Variants in ICAM5 observed in about 807,000 individuals in gnomAD.
ICAM5 encodes intercellular adhesion molecule 5.
Under a neutral mutation model 78.8 loss-of-function variants are expected in ICAM5, and 38 were observed. The observed-to-expected ratio is 0.48, with a 90% CI of 0.37 to 0.63. The LOEUF is 0.63. ICAM5 is among the 30% of genes least tolerant of loss of function. The pLI is 0.00. For synonymous variants in ICAM5, 544 were observed against 590.9 expected (o/e 0.92, Z 1.15); for missense variants, 1,059 against 1,303.0 (o/e 0.81, Z 2.88).
chr19:10,289,991 C>T lies in ICAM5; in HGVS notation c.-53C>T. ...GCGCCGCGCGGAGCCGTCCTCTAGC[C>T]CAGCTCCTCGGCTCGCGCTCTCCTC... On this transcript the variant is annotated 5_prime_UTR_variant, in exon 1 of 11. Coordinates refer to ENST00000221980, the MANE Select transcript of ICAM5 (RefSeq NM_003259.4). The T allele has an allele frequency of 6.8e-7, 1 of 1,466,734 alleles. No individual in the cohort carries two copies. The highest frequency in any genetic ancestry group is 9.2e-7 in the Non-Finnish European group (1 of 1,087,676). The allele number at this position is 1,466,734 out of a possible 1,614,324, so 90.9% of individuals were successfully genotyped here.
At chr19:10,291,832 T>C (rs1387393561) in intron 3 of ICAM5, 23 bp downstream of exon 3, 2 of 1,597,586 alleles carry the variant, frequency 1.3e-6, no homozygotes, top group African/African-American at 2.7e-5. Flanking sequence ...GGGGAGGAGA[T>C]GGGGACCCAG....
In ICAM5 at chr19:10,294,741, G is replaced by A. The variant is rs986816303; in HGVS notation, c.2230+101G>A. The A allele has an allele frequency of 3.2e-6, 5 of 1,547,384 alleles. No individual in the cohort carries two copies. The highest frequency in any genetic ancestry group is 2.3e-5 in the East Asian group (1 of 44,040). On this transcript the variant is annotated intron_variant, in intron 9 of 10. Transcript: ENST00000221980. The surrounding 1 kb of genome is among the most constrained non-coding windows in gnomAD (Gnocchi z 7.7). ...GCACCTCTCCCAATCCCATTCTCGGGGACAGGGAATTCCAGCCTAAACCAG... is the reference window on the plus strand; with the variant it reads ...GCACCTCTCCCAATCCCATTCTCGGAGACAGGGAATTCCAGCCTAAACCAG...
At position 10,291,645 on chromosome 19, in the gene ICAM5, C is replaced by T. The variant is rs1407701199; in HGVS notation, c.509C>T (p.Ala170Val). 25 of 1,611,656 alleles carry T rather than the reference C, an allele frequency of 1.6e-5. No homozygotes were observed. The highest frequency in any genetic ancestry group is 5.5e-5 in the South Asian group (5 of 91,028). ...GAQELIRRSF[A>V]GEPPRARGAV... ...CAGGAGCTGATCCGCCGCAGCTTCGCCGGTGAACCACCCCGAGCGCGGGGC... is the reference window on the plus strand; with the variant it reads ...CAGGAGCTGATCCGCCGCAGCTTCGTCGGTGAACCACCCCGAGCGCGGGGC... The change falls in exon 3 of 11, where the codon GCC becomes GTC. Residue 170 changes from alanine to valine, a missense_variant. Physicochemically the swap from Ala to Val is moderately conservative, Grantham distance 64. Around this residue, in one of 3 missense-constraint regions of ICAM5, gnomAD observed 815 missense variants for 952.8 expected, o/e 0.86. Coordinates refer to ENST00000221980, the MANE Select transcript of ICAM5 (RefSeq NM_003259.4).
chr19:10,295,962 G>C (rs2040217118), intron 10 of ICAM5, among the ~76,000 whole-genome samples: 1 of 152,106 alleles, frequency 6.6e-6, no homozygotes. Flanking sequence ...TTGGATGTTG[G>C]AGGGAGAGAG....
chr19:10,295,976 TCAAGATCGC>T (rs2040217346), intron 10 of ICAM5, among the ~76,000 whole-genome samples: 1 of 151,244 alleles, frequency 6.6e-6, no homozygotes, highest in South Asian at 2.1e-4. Flanking sequence ...GAGAGAGGGG[TCAAGATCGC>T]CTTCTCTCAC....
intron 10 of ICAM5, 59 bp from the exon 11 acceptor site, chr19:10,296,280 G>A (rs2040219484): frequency 1.6e-6 from 2 of 1,223,730 alleles, no homozygotes; most frequent in Non-Finnish European, 2.0e-6. Flanking sequence ...GAGTGCGGGG[G>A]GCGGTGGGAG....
rs1011005882 is a variant in ICAM5, at chr19:10,293,419, G to A, written c.1465+173G>A. Reference sequence around the variant, plus strand: ...AGATCTTGGAGGATGGAAGGGACCGGGTGGGCGTGCCCCTAGCCTAGGGCG... The same window carrying A: ...AGATCTTGGAGGATGGAAGGGACCGAGTGGGCGTGCCCCTAGCCTAGGGCG... On this transcript the variant is annotated intron_variant, in intron 6 of 10. Transcript: ENST00000221980. This position sits in a 1 kb window ranked among gnomAD's most constrained non-coding sequence, Gnocchi z 5.0. Among the ~76,000 whole-genome samples, 1 of 152,154 alleles carries A rather than the reference G, an allele frequency of 6.6e-6. No homozygotes were observed. Among genetic ancestry groups the A allele is most frequent in the Admixed American group, 6.6e-5 (1 of 15,260 alleles).
In ICAM5 at chr19:10,292,285, C is replaced by A; in HGVS notation, c.924C>A (p.Gly308=). The part of the protein sequence containing the change: ...RQLVCNVTLG[G]ENRETRENVT... The stretch of plus-strand genomic sequence containing the variant: ...TGGTCTGCAACGTCACCCTGGGGGG[C>A]GAAAACCGGGAGACCCGGGAGAACG... Residue 308 remains glycine (G), a synonymous_variant, in exon 4 of 11, where the codon GGC becomes GGA. Transcript: ENST00000221980. 1.2e-6 allele frequency: 2 copies of A among 1,611,140 alleles called. No individual in the cohort carries two copies. Among genetic ancestry groups the A allele is most frequent in the Non-Finnish European group, 8.5e-7 (1 of 1,179,300 alleles).
At chr19:10,296,194 T>A (rs1179962476) in intron 10 of ICAM5, 145 bp from the exon 11 acceptor site, 4 of 771,410 alleles carry the variant, frequency 5.2e-6, no homozygotes, top group Non-Finnish European at 7.0e-6. Flanking sequence ...GTGGCCTTAT[T>A]GCATGGGTTG....
Position 10,291,753 on chromosome 19 carries a change from C to T in ICAM5, c.617C>T (p.Pro206Leu), listed in dbSNP as rs998067808. The T allele has an allele frequency of 6.2e-7, 1 of 1,612,740 alleles. No homozygotes were observed. The highest frequency in any genetic ancestry group is 1.3e-5 in the African/African-American group (1 of 74,906). ...TGTCGCGCCGAGCTGGACCTGCGGC[C>T]GCACGGACTGGGACTGTTTGAAAAC... is the stretch of plus-strand genomic sequence containing the variant. ...FSCRAELDLRPHGLGLFENSS... is the reference protein window; with the variant it reads ...FSCRAELDLRLHGLGLFENSS... Residue 206 changes from proline (P) to leucine (L), a missense_variant, in exon 3 of 11, where the codon CCG (proline) becomes CTG (leucine). This residue lies in a region of ICAM5 where 815 missense variants were observed against 952.8 expected (regional missense o/e 0.86). Transcript: ENST00000221980.
chr19:10,295,014 G>T (rs948533354), intron 9 of ICAM5, among the ~76,000 whole-genome samples: 7 of 152,142 alleles, frequency 4.6e-5, no homozygotes, highest in Non-Finnish European at 7.4e-5. Flanking sequence ...CCGAGATCCC[G>T]CCACTGCACT....
In ICAM5 at chr19:10,293,019, C is replaced by T; in HGVS notation, c.1238C>T (p.Ser413Leu). Reference sequence around the variant, plus strand: ...GCAGACGCTCCCCGGCTAGACGATTCGGACTGCCCCAGGAGTTGGACGTGG... The same window carrying T: ...GCAGACGCTCCCCGGCTAGACGATTTGGACTGCCCCAGGAGTTGGACGTGG... Reference protein sequence around the residue: ...RVLYAPRLDDSDCPRSWTWPE... With the variant: ...RVLYAPRLDDLDCPRSWTWPE... Residue 413 changes from serine (S) to leucine (L), a missense_variant, in exon 6 of 11, where the codon TCG (serine) becomes TTG (leucine). Ser to Leu is a moderately radical substitution (Grantham distance 145). Around this residue, in one of 3 missense-constraint regions of ICAM5, gnomAD observed 815 missense variants for 952.8 expected, o/e 0.86. Coordinates refer to ENST00000221980, the MANE Select transcript of ICAM5 (RefSeq NM_003259.4). This position sits in a 1 kb window ranked among gnomAD's most constrained non-coding sequence, Gnocchi z 5.0. 6.2e-7 allele frequency: 1 copy of T among 1,610,970 alleles called. No individual in the cohort carries two copies. The highest frequency in any genetic ancestry group is 8.5e-7 in the Non-Finnish European group (1 of 1,179,986).
Position 10,290,107 on chromosome 19 carries a change from G to C in ICAM5, c.64G>C (p.Gly22Arg). 1 of 1,535,498 alleles carries C rather than the reference G, an allele frequency of 6.5e-7. No individual in the cohort carries two copies. The highest frequency in any genetic ancestry group is 8.8e-7 in the Non-Finnish European group (1 of 1,140,328). ...LLGLWAALGLGLFGLSAVSQE... is the reference protein window; with the variant it reads ...LLGLWAALGLRLFGLSAVSQE... ...CGGCCTCTGGGCTGCTCTGGGCCTG[G>C]GGCTCTTCGGCCTCTCAGGTAAGAG... Residue 22 changes from glycine to arginine, a missense_variant, in exon 1 of 11, where the codon GGG becomes CGG. Around this residue, in one of 3 missense-constraint regions of ICAM5, gnomAD observed 815 missense variants for 952.8 expected, o/e 0.86. Transcript: ENST00000221980. The surrounding 1 kb of genome is among the most constrained non-coding windows in gnomAD (Gnocchi z 5.7).
At chr19:10,295,963 A>G (rs2040217137) in intron 10 of ICAM5, among the ~76,000 whole-genome samples, 1 of 151,938 alleles carries the variant, frequency 6.6e-6, no homozygotes, top group Non-Finnish European at 1.5e-5. Flanking sequence ...TGGATGTTGG[A>G]GGGAGAGAGG....
At position 10,295,569 on chromosome 19, in the gene ICAM5, C is replaced by A; in HGVS notation, c.2454C>A (p.Asn818Lys). 2.6e-6 allele frequency: 4 copies of A among 1,544,982 alleles called. No individual in the cohort carries two copies. Among genetic ancestry groups the A allele is most frequent in the Non-Finnish European group, 3.5e-6 (4 of 1,146,462 alleles). The stretch of plus-strand genomic sequence containing the variant: ...GCGAGTACGAGTGCGCAGCCACCAA[C>A]GCGCACGGGCGCCACGCGCGGCGCA... Reference protein sequence around the residue: ...HGGEYECAATNAHGRHARRIT... With the variant: ...HGGEYECAATKAHGRHARRIT... Residue 818 changes from asparagine (N) to lysine (K), a missense_variant, in exon 10 of 11, where the codon AAC becomes AAA. Physicochemically the swap from Asn to Lys is moderately conservative, Grantham distance 94. This residue lies in a region of ICAM5 where 135 missense variants were observed against 230.2 expected (regional missense o/e 0.59). Coordinates refer to ENST00000221980, the MANE Select transcript of ICAM5 (RefSeq NM_003259.4).
At chr19:10,291,904 C>A in intron 3 of ICAM5, 95 bp downstream of exon 3, 1 of 1,492,944 alleles carries the variant, frequency 6.7e-7, no homozygotes, top group Non-Finnish European at 9.2e-7. Context: ...ACCCCGACTT[C>A]AACCCTCGCC....
In ICAM5 at chr19:10,292,067, C is replaced by T. The variant is rs1486682719; in HGVS notation, c.706C>T (p.Pro236Ser). 1.9e-6 allele frequency: 3 copies of T among 1,612,906 alleles called. No individual in the cohort carries two copies. Among genetic ancestry groups the T allele is most frequent in the South Asian group, 1.1e-5 (1 of 91,084 alleles). ...TCCGGATGCCCCGCGCCTCGCTGCT[C>T]CCCGGCTCTTGGAAGTTGGCTCGGA... ...LSPDAPRLAAPRLLEVGSERP... is the reference protein window; with the variant it reads ...LSPDAPRLAASRLLEVGSERP... The change falls in exon 4 of 11, where the codon CCC (proline) becomes TCC (serine). Residue 236 changes from proline to serine, a missense_variant. Pro to Ser is a moderately conservative substitution (Grantham distance 74). Coordinates refer to ENST00000221980, the MANE Select transcript of ICAM5 (RefSeq NM_003259.4).
intron 4 of ICAM5, 101 bp from the exon 5 acceptor site, chr19:10,292,511 G>C: frequency 1.4e-6 from 2 of 1,467,060 alleles, no homozygotes; most frequent in African/African-American, 1.4e-5. Flanking sequence ...CCGTACCCTA[G>C]TTCGTTCTCA....
In ICAM5 at chr19:10,293,125, C is replaced by T; in HGVS notation, c.1344C>T (p.Gly448=). The T allele has an allele frequency of 1.2e-6, 2 of 1,609,208 alleles. No individual in the cohort carries two copies. The highest frequency in any genetic ancestry group is 2.2e-5 in the East Asian group (1 of 44,786). ...CAGTGCACTGTGCGCGCTCCGACGG[C>T]GGGGCCGTGCTGGCTCTGGGCCTGC... is the stretch of plus-strand genomic sequence containing the variant. ...EPSVHCARSD[G]GAVLALGLLG... The change falls in exon 6 of 11, where the codon GGC becomes GGT. Residue 448 remains glycine (G), a synonymous_variant. Transcript: ENST00000221980. The surrounding 1 kb of genome is among the most constrained non-coding windows in gnomAD (Gnocchi z 5.0).
Sources: gnomAD v4.1 joint callset for allele counts (sites outside exome capture counted in the v4.1 genomes callset) on GRCh38, gnomAD v4.1.1 for gene constraint, gnomAD v4.1.1 regional missense constraint, Gnocchi (gnomAD v3.1) non-coding constraint, MANE v1.5 for transcripts, NCBI Gene and HGNC (gene_info 2026-07-23, HGNC 2026-07-21) for gene names.